Variants in PLPPR5 observed in about 807,000 individuals in gnomAD.
The protein encoded by PLPPR5 is phospholipid phosphatase related 5, also known as phospholipid phosphatase-related protein type 5.
A neutral mutation model predicts 33.9 loss-of-function variants in PLPPR5; 16 were observed. That is an observed-to-expected ratio of 0.47 (90% CI 0.32 to 0.72). PLPPR5 has a LOEUF of 0.72. Ranked by LOEUF, PLPPR5 falls within the 30% of genes least tolerant of loss-of-function variation. PLPPR5 has a pLI of 0.03. For missense variants in PLPPR5, 301 were observed against 406.7 expected (o/e 0.74, Z 2.23); for synonymous variants, 163 against 150.3 (o/e 1.08, Z -0.62).
chr1:98,982,097 A>C (rs566318742), intron 1 of PLPPR5, among the ~76,000 whole-genome samples: 77 of 152,224 alleles, frequency 5.1e-4, no homozygotes, highest in African/African-American at 1.8e-3. Flanking sequence ...ACAGAGTATG[A>C]TTCAGAGATC....
intron 1 of PLPPR5, among the ~76,000 whole-genome samples, chr1:98,970,364 T>C (rs2101246820): frequency 6.6e-6 from 1 of 152,124 alleles, no homozygotes; most frequent in East Asian, 1.9e-4. Context: ...TAGGAAAAGG[T>C]GCAATTATAA....
chr1:98,939,176 A>G (rs1236273600), intron 3 of PLPPR5, among the ~76,000 whole-genome samples: 1 of 151,720 alleles, frequency 6.6e-6, no homozygotes, highest in Non-Finnish European at 1.5e-5. Context: ...AACCATGCAT[A>G]TATAGTATAT....
At chr1:98,950,894 A>G (rs1210336129) in intron 3 of PLPPR5, among the ~76,000 whole-genome samples, 1 of 151,962 alleles carries the variant, frequency 6.6e-6, no homozygotes, top group African/African-American at 2.4e-5. Flanking sequence ...TTTTTTGTAA[A>G]GATGGGATCT....
intron 3 of PLPPR5, among the ~76,000 whole-genome samples, chr1:98,936,749 C>T (rs989633605): frequency 6.6e-6 from 1 of 152,174 alleles, no homozygotes; most frequent in Non-Finnish European, 1.5e-5. Context: ...TCAGAACAAT[C>T]GATCCTATGC....
At chr1:98,925,739 G>A (rs1402431462) in intron 3 of PLPPR5, among the ~76,000 whole-genome samples, 1 of 152,112 alleles carries the variant, frequency 6.6e-6, no homozygotes, top group Non-Finnish European at 1.5e-5. Flanking sequence ...ATGCATCAGA[G>A]GCTGTGCTAG....
intron 1 of PLPPR5, among the ~76,000 whole-genome samples, chr1:99,000,478 G>A (rs576533971): frequency 1.4e-4 from 22 of 152,258 alleles, no homozygotes; most frequent in African/African-American, 4.6e-4. Context: ...ACCTTCAGAT[G>A]TATACGCCAT....
rs939389101 is a variant in PLPPR5, at chr1:98,908,880, C to T, written c.933+5906G>A. Among the ~76,000 whole-genome samples the T allele has an allele frequency of 1.8e-4, 28 of 152,172 alleles. No homozygotes were observed. In the East Asian group the frequency reaches 5.0e-3, roughly 27 times the overall value. On this transcript the variant is annotated intron_variant, in intron 5 of 5. Coordinates refer to ENST00000263177, the MANE Select transcript of PLPPR5 (RefSeq NM_001037317.2). ...AAGGAAGTACAGGGTTTTAAATTAC[C>T]CTGGGGGAGTTTTTCTGAGGGCCTT...
intron 1 of PLPPR5, among the ~76,000 whole-genome samples, chr1:98,961,702 T>C (rs938312356): frequency 2.6e-5 from 4 of 152,234 alleles, no homozygotes; most frequent in Admixed American, 6.5e-5. Flanking sequence ...TCTGTCCTTA[T>C]GGCTAATTTA....
At chr1:98,923,693 G>A (rs1471660899) in intron 3 of PLPPR5, among the ~76,000 whole-genome samples, 2 of 152,126 alleles carry the variant, frequency 1.3e-5, no homozygotes, top group African/African-American at 2.4e-5. Context: ...TCTCCATCTT[G>A]GCCTGTGACC....
At chr1:98,937,024 G>A (rs567943339) in intron 3 of PLPPR5, among the ~76,000 whole-genome samples, 1 of 152,288 alleles carries the variant, frequency 6.6e-6, no homozygotes, top group African/African-American at 2.4e-5. Flanking sequence ...CATGAGGTAG[G>A]AATACACACA....
At chr1:98,944,550 A>G (rs1650488073) in intron 3 of PLPPR5, among the ~76,000 whole-genome samples, 1 of 152,240 alleles carries the variant, frequency 6.6e-6, no homozygotes, top group Non-Finnish European at 1.5e-5. Flanking sequence ...GCCAGACACT[A>G]AATTACCAGA....
At chr1:98,913,339 G>A (rs905417084) in intron 5 of PLPPR5, among the ~76,000 whole-genome samples, 1 of 152,146 alleles carries the variant, frequency 6.6e-6, no homozygotes, top group Non-Finnish European at 1.5e-5. Flanking sequence ...GTGTTGTCAA[G>A]ATCAGTACAT....
At chr1:98,908,621 T>C (rs1484937442) in intron 5 of PLPPR5, among the ~76,000 whole-genome samples, 1 of 152,108 alleles carries the variant, frequency 6.6e-6, no homozygotes, top group Non-Finnish European at 1.5e-5. Context: ...ATGAGGAGAT[T>C]TGGATCCCTG....
chr1:98,959,651 G>A (rs1045631087), intron 1 of PLPPR5, among the ~76,000 whole-genome samples: 2 of 152,098 alleles, frequency 1.3e-5, no homozygotes, highest in South Asian at 2.1e-4. Context: ...GAGCATACAT[G>A]ATTTCCCCAG....
intron 2 of PLPPR5, among the ~76,000 whole-genome samples, chr1:98,954,913 A>T (rs1286971438): frequency 6.6e-6 from 1 of 151,914 alleles, no homozygotes; most frequent in Non-Finnish European, 1.5e-5. Context: ...TAACAGAGAG[A>T]AATATTTGAT....
At chr1:98,903,648 A>T (rs960091119) in intron 5 of PLPPR5, among the ~76,000 whole-genome samples, 3 of 152,100 alleles carry the variant, frequency 2.0e-5, no homozygotes, top group African/African-American at 7.2e-5. Context: ...AAAAAAAAAA[A>T]TCCCATTAAA....
At chr1:98,968,126 C>T (rs1651516814) in intron 1 of PLPPR5, among the ~76,000 whole-genome samples, 1 of 152,070 alleles carries the variant, frequency 6.6e-6, no homozygotes, top group Admixed American at 6.6e-5. Context: ...TTAAACTTTA[C>T]ATGATGTTTA....
At chr1:98,944,583 T>C (rs1446118161) in intron 3 of PLPPR5, among the ~76,000 whole-genome samples, 1 of 152,228 alleles carries the variant, frequency 6.6e-6, no homozygotes, top group Admixed American at 6.5e-5. Flanking sequence ...GACTTTCTAG[T>C]CTCCAAAGCT....
intron 1 of PLPPR5, among the ~76,000 whole-genome samples, chr1:98,974,137 G>A (rs1467565730): frequency 6.6e-6 from 1 of 151,978 alleles, no homozygotes; most frequent in Admixed American, 6.6e-5. Flanking sequence ...TGGGGAGTGG[G>A]CAATAAAGAG....
Sources: gnomAD v4.1 joint callset for allele counts (sites outside exome capture counted in the v4.1 genomes callset) on GRCh38, gnomAD v4.1.1 for gene constraint, MANE v1.5 for transcripts, NCBI Gene and HGNC (gene_info 2026-07-23, HGNC 2026-07-21) for gene names.